TMEM242: variants seen among roughly 807,000 people sequenced by gnomAD.
The protein encoded by TMEM242 is UPF0463 transmembrane protein C6orf35.
Under a neutral mutation model 18.2 loss-of-function variants are expected in TMEM242, and 10 were observed. The observed-to-expected ratio is 0.55, with a 90% CI of 0.34 to 0.93. The LOEUF (loss-of-function observed/expected upper bound fraction) is 0.93. Ranked by LOEUF, TMEM242 falls within the 40% of genes least tolerant of loss-of-function variation. TMEM242 has a pLI of 0.02. For synonymous variants in TMEM242, 57 were observed against 69.9 expected (o/e 0.81, Z 0.92); for missense variants, 186 against 175.5 (o/e 1.06, Z -0.34).
Position 157,289,445 on chromosome 6 carries a change from G to A in TMEM242, c.*3456C>T, listed in dbSNP as rs1188014984. ...AGCAAAAACACTTCACTTGAACATG[G>A]TATTATAAAAATATGTATTTTACTA... On this transcript the variant is annotated 3_prime_UTR_variant, in exon 4 of 4. Coordinates refer to ENST00000400788, the MANE Select transcript of TMEM242 (RefSeq NM_018452.6). 1 of 152,064 alleles carries A rather than the reference G, an allele frequency of 6.6e-6. No homozygotes were observed. Among genetic ancestry groups the A allele is most frequent in the South Asian group, 2.1e-4 (1 of 4,826 alleles). The allele number at this position is 152,064 out of a possible 1,614,324, so 9.4% of individuals were successfully genotyped here.
At chr6:157,323,264 G>T in intron 1 of TMEM242, 148 bp downstream of exon 1, 1 of 873,696 alleles carries the variant, frequency 1.1e-6, no homozygotes, top group South Asian at 1.7e-5. Flanking sequence ...CCCTCCCTGG[G>T]CCGCCAGACT....
At chr6:157,310,411 C>T (rs1583562134) in intron 3 of TMEM242, among the ~76,000 whole-genome samples, 2 of 140,436 alleles carry the variant, frequency 1.4e-5, no homozygotes, top group African/African-American at 2.7e-5. Context: ...CCAGTGGGCA[C>T]TCACCTGGCC....
chr6:157,311,379 AGTG>A (rs1778081753), intron 3 of TMEM242, among the ~76,000 whole-genome samples: 1 of 104,668 alleles, frequency 9.6e-6, no homozygotes, highest in African/African-American at 3.6e-5. Context: ...ATAGTGTTCC[AGTG>A]TGCGCTCACC....
At chr6:157,298,191 T>C (rs1777776232) in intron 3 of TMEM242, among the ~76,000 whole-genome samples, 2 of 152,220 alleles carry the variant, frequency 1.3e-5, no homozygotes. Context: ...AAGATCCTGC[T>C]CAGTAAGAAC....
chr6:157,318,978 TG>T (rs1778453272), intron 2 of TMEM242, 59 bp from the exon 3 acceptor site: 1 of 1,484,692 alleles, frequency 6.7e-7, no homozygotes, highest in Non-Finnish European at 9.0e-7. Flanking sequence ...ATAAGCATTC[TG>T]GGGGTGTTTG....
At position 157,290,123 on chromosome 6, in the gene TMEM242, G is replaced by C. The variant is rs1159945797; in HGVS notation, c.*2778C>G. Reference sequence around the variant, plus strand: ...ATGTTTTCCCTTGAATGAATCCTGGGGTCTCGGAAGCCACTCCTCCCTGCC... The same window carrying C: ...ATGTTTTCCCTTGAATGAATCCTGGCGTCTCGGAAGCCACTCCTCCCTGCC... On this transcript the variant is annotated 3_prime_UTR_variant, in exon 4 of 4. Coordinates refer to ENST00000400788, the MANE Select transcript of TMEM242 (RefSeq NM_018452.6). The C allele has an allele frequency of 6.6e-6, 1 of 152,162 alleles. No homozygotes were observed. Among genetic ancestry groups the C allele is most frequent in the Admixed American group, 6.6e-5 (1 of 15,264 alleles). The allele number at this position is 152,162 out of a possible 1,614,324, so 9.4% of individuals were successfully genotyped here.
rs782410606 is a variant in TMEM242, at chr6:157,289,904, C to G, written c.*2997G>C. The G allele has an allele frequency of 6.6e-5, 10 of 152,246 alleles. No homozygotes were observed. The highest frequency in any genetic ancestry group is 8.8e-5 in the Non-Finnish European group (6 of 68,056). The allele number at this position is 152,246 out of a possible 1,614,324, so 9.4% of individuals were successfully genotyped here. On this transcript the variant is annotated 3_prime_UTR_variant, in exon 4 of 4. Transcript: ENST00000400788. ...GTGGTGGTGGAGATGGCCCACGACCCTCTCAGCAGCCACATGCTTCCATGC... is the reference window on the plus strand; with the variant it reads ...GTGGTGGTGGAGATGGCCCACGACCGTCTCAGCAGCCACATGCTTCCATGC...
In TMEM242 at chr6:157,289,591, C is replaced by T. The variant is rs1196653074; in HGVS notation, c.*3310G>A. On this transcript the variant is annotated 3_prime_UTR_variant, in exon 4 of 4. Transcript: ENST00000400788. ...AAATGAGATGAAAATATATAACCTT[C>T]CCCATAAACCAAGATTTAATCTTGG... 1 of 152,146 alleles carries T rather than the reference C, an allele frequency of 6.6e-6. No individual in the cohort carries two copies. Among genetic ancestry groups the T allele is most frequent in the Admixed American group, 6.5e-5 (1 of 15,282 alleles). 9.4% of individuals were successfully genotyped at this position (152,146 alleles called of 1,614,324 possible). A position where few individuals can be genotyped will look rare whatever the true frequency, so the allele number is the denominator to read the frequency against.
chr6:157,315,522 T>TA (rs1364816023), intron 3 of TMEM242, among the ~76,000 whole-genome samples: 1 of 152,182 alleles, frequency 6.6e-6, no homozygotes, highest in Non-Finnish European at 1.5e-5. Context: ...TCTTTTTACT[T>TA]AGACATAAAG....
chr6:157,293,022 T>A (rs1554246937), intron 3 of TMEM242, 23 bp from the exon 4 acceptor site: 1 of 1,571,440 alleles, frequency 6.4e-7, no homozygotes, highest in Non-Finnish European at 8.8e-7. Flanking sequence ...AAATAATCAG[T>A]TATCAAATGT....
intron 3 of TMEM242, among the ~76,000 whole-genome samples, chr6:157,313,119 C>A (rs201259144): frequency 4.4e-5 from 3 of 67,548 alleles, no homozygotes; most frequent in Admixed American, 1.5e-4. Flanking sequence ...TGTGTGCTCA[C>A]CCGGCCTCAT....
At chr6:157,297,191 G>A (rs587679448) in intron 3 of TMEM242, among the ~76,000 whole-genome samples, 2 of 152,294 alleles carry the variant, frequency 1.3e-5, no homozygotes, top group East Asian at 3.9e-4. Context: ...TCAGAGAAAC[G>A]AAACAATGTG....
intron 3 of TMEM242, among the ~76,000 whole-genome samples, chr6:157,313,157 G>A (rs1778248419): frequency 6.9e-6 from 1 of 145,490 alleles, no homozygotes; most frequent in Non-Finnish European, 1.5e-5. Flanking sequence ...CGCTCACCTG[G>A]CCTCATCATA....
intron 3 of TMEM242, among the ~76,000 whole-genome samples, chr6:157,310,146 C>A (rs933743876): frequency 1.6e-4 from 25 of 152,204 alleles, no homozygotes; most frequent in African/African-American, 6.0e-4. Context: ...CTTCAGAATC[C>A]TTCAAGTATC....
chr6:157,317,822 C>T (rs1778417439), intron 3 of TMEM242, among the ~76,000 whole-genome samples: 1 of 152,206 alleles, frequency 6.6e-6, no homozygotes, highest in Non-Finnish European at 1.5e-5. Flanking sequence ...TCACACCCCA[C>T]ATCCAATCAA....
chr6:157,322,883 A>G, intron 1 of TMEM242, 78 bp from the exon 2 acceptor site: 1 of 1,203,576 alleles, frequency 8.3e-7, no homozygotes, highest in South Asian at 1.3e-5. Context: ...TACAAAAGTA[A>G]GTTTAAGATA....
chr6:157,298,994 C>T (rs1331212227), intron 3 of TMEM242: 2 of 228,788 alleles, frequency 8.7e-6, no homozygotes, highest in South Asian at 7.4e-5. Flanking sequence ...GATATATAAC[C>T]CTATATCTAT....
At chr6:157,311,000 T>TCATCATAGTG (rs1331510926) in intron 3 of TMEM242, among the ~76,000 whole-genome samples, 77 of 1,100 alleles carry the variant, frequency 0.07, 24 homozygotes, top group South Asian at 0.14. Flanking sequence ...TAACCTAGCC[T>TCATCATAGTG]CCCCAGTGTG....
intron 3 of TMEM242, among the ~76,000 whole-genome samples, chr6:157,313,861 A>C (rs797027431): frequency 1.2e-3 from 7 of 5,638 alleles, no homozygotes; most frequent in Middle Eastern, 0.11. Flanking sequence ...CCCAGTGTGC[A>C]CTCCCCTAGC....
Sources: allele counts gnomAD v4.1 joint callset (sites outside exome capture counted in the v4.1 genomes callset), GRCh38; gene constraint gnomAD v4.1.1; transcripts MANE v1.5; gene names NCBI Gene and HGNC (gene_info 2026-07-23, HGNC 2026-07-21).